Variants in GNPTAB observed in about 807,000 individuals in gnomAD.
GNPTAB encodes N-acetylglucosamine-1-phosphate transferase subunits alpha and beta, also known as N-acetylglucosamine-1-phosphotransferase subunits alpha/beta.
In GNPTAB, 92 loss-of-function variants were observed where a neutral mutation model predicts 136.6. The observed-to-expected ratio is 0.67, with a 90% CI of 0.57 to 0.80. GNPTAB has a LOEUF of 0.80. Among genes scored for constraint, GNPTAB ranks in the 30% least tolerant of loss-of-function variants. GNPTAB has a pLI of 0.00. For synonymous variants in GNPTAB, 512 were observed against 535.1 expected (o/e 0.96, Z 0.60); for missense variants, 1,343 against 1,501.8 (o/e 0.89, Z 1.75).
intron 1 of GNPTAB, among the ~76,000 whole-genome samples, chr12:101,809,430 C>T (rs144409831): frequency 1.4e-3 from 215 of 152,264 alleles, no homozygotes; most frequent in African/African-American, 5.0e-3. Flanking sequence ...TAAGTATTTA[C>T]CTGAGTTGAA....
In GNPTAB at chr12:101,830,778, G is replaced by C; in HGVS notation, c.-103C>G. On this transcript the variant is annotated 5_prime_UTR_variant, in exon 1 of 21. Transcript: ENST00000299314. ...TCAGGGGCCCCGGTCGGGCCGCCGC[G>C]CGCAGGTCACAGCCTCCGGGCGCCG... 1 of 596,042 alleles carries C rather than the reference G, an allele frequency of 1.7e-6. No individual in the cohort carries two copies. 36.9% of individuals were successfully genotyped at this position (596,042 alleles called of 1,614,324 possible).
chr12:101,800,113 C>G (rs1869526935), intron 1 of GNPTAB, among the ~76,000 whole-genome samples: 1 of 152,106 alleles, frequency 6.6e-6, no homozygotes, highest in African/African-American at 2.4e-5. Context: ...TAATGAGAAG[C>G]AGAATGGGAT....
At chr12:101,793,162 C>G (rs911078313) in intron 2 of GNPTAB, among the ~76,000 whole-genome samples, 2 of 152,018 alleles carry the variant, frequency 1.3e-5, no homozygotes, top group African/African-American at 4.8e-5. Flanking sequence ...TATTTATTGC[C>G]TAACTATTAG....
intron 1 of GNPTAB, among the ~76,000 whole-genome samples, chr12:101,808,728 C>T (rs758763757): frequency 6.6e-6 from 1 of 152,174 alleles, no homozygotes; most frequent in Non-Finnish European, 1.5e-5. Flanking sequence ...GAGTGGATCA[C>T]CTGAGGTCGG....
chr12:101,803,876 G>C (rs1869785995), intron 1 of GNPTAB, among the ~76,000 whole-genome samples: 1 of 152,046 alleles, frequency 6.6e-6, no homozygotes, highest in Non-Finnish European at 1.5e-5. Flanking sequence ...AAGGAGTAGA[G>C]AAAAAAGAAA....
At chr12:101,787,983 T>C (rs550320298) in intron 4 of GNPTAB, among the ~76,000 whole-genome samples, 1 of 152,044 alleles carries the variant, frequency 6.6e-6, no homozygotes, top group Non-Finnish European at 1.5e-5. Flanking sequence ...TAAGTGTTTT[T>C]AAAAGTCTGA....
chr12:101,787,662 C>T (rs1868734835), intron 4 of GNPTAB, among the ~76,000 whole-genome samples: 1 of 151,972 alleles, frequency 6.6e-6, no homozygotes, highest in Non-Finnish European at 1.5e-5. Flanking sequence ...CGCCTGTAAT[C>T]CAGTACTTTG....
intron 1 of GNPTAB, among the ~76,000 whole-genome samples, chr12:101,825,920 T>C (rs1366517678): frequency 6.6e-6 from 1 of 152,160 alleles, no homozygotes; most frequent in African/African-American, 2.4e-5. Flanking sequence ...AGGATCACAA[T>C]TTGTGCTGCA....
chr12:101,792,269 T>C (rs1216359498), intron 2 of GNPTAB, among the ~76,000 whole-genome samples: 3 of 152,160 alleles, frequency 2.0e-5, no homozygotes, highest in Non-Finnish European at 4.4e-5. Flanking sequence ...ATCTTGCTTG[T>C]TCAAGGACCC....
chr12:101,818,449 C>T (rs1040988698), intron 1 of GNPTAB, among the ~76,000 whole-genome samples: 1 of 150,210 alleles, frequency 6.7e-6, no homozygotes. Flanking sequence ...ACGATCTCGG[C>T]TCACCACAAC....
Position 101,761,671 on chromosome 12 carries a change from T to C in GNPTAB, c.2808A>G (p.Arg936=). The change falls in exon 14 of 21, where the codon AGA becomes AGG. Residue 936 remains arginine (R), a synonymous_variant. Coordinates refer to ENST00000299314, the MANE Select transcript of GNPTAB (RefSeq NM_024312.5). The part of the protein sequence containing the change: ...QLKDTFADSL[R]YVNKILNSKF... ...TGCTATTTAGAATTTTATTTACATA[T>C]CTGAGGGAATCTGCAAATGTATCTT... is the stretch of plus-strand genomic sequence containing the variant. The C allele has an allele frequency of 1.2e-6, 2 of 1,613,978 alleles. No individual in the cohort carries two copies. Among genetic ancestry groups the C allele is most frequent in the Non-Finnish European group, 8.5e-7 (1 of 1,179,814 alleles).
Position 101,764,766 on chromosome 12 carries a change from T to A in GNPTAB, c.2151A>T (p.Gln717His). ...TCAAAGTGATGTCTCCATGTTCCAG[T>A]TGCAAATCCAAGGTATTGAGACTCA... ...AQLSLNTLDLQLEHGDITLKG... is the reference protein window; with the variant it reads ...AQLSLNTLDLHLEHGDITLKG... The change falls in exon 13 of 21, where the codon CAA becomes CAT. Residue 717 changes from glutamine to histidine, a missense_variant. By Grantham distance (24) the Gln-to-His change is conservative. Transcript: ENST00000299314. The A allele has an allele frequency of 1.2e-6, 2 of 1,614,194 alleles. No homozygotes were observed. Among genetic ancestry groups the A allele is most frequent in the Non-Finnish European group, 1.7e-6 (2 of 1,180,022 alleles).
Position 101,773,647 on chromosome 12 carries a change from C to T in GNPTAB, c.772-2490G>A, listed in dbSNP as rs370727608. On this transcript the variant is annotated intron_variant, in intron 7 of 20. Coordinates refer to ENST00000299314, the MANE Select transcript of GNPTAB (RefSeq NM_024312.5). ...GCAAGAAGAGGTTTGTCTATAGTAA[C>T]TATACAATAATTCGGAAAGAGATGA... 8 of 152,720 alleles carry T rather than the reference C, an allele frequency of 5.2e-5. No individual in the cohort carries two copies. The East Asian group carries it at 1.2e-3, about 22-fold the overall frequency. 9.5% of individuals were successfully genotyped at this position (152,720 alleles called of 1,614,324 possible). A position where few individuals can be genotyped will look rare whatever the true frequency, so the allele number is the denominator to read the frequency against.
intron 5 of GNPTAB, among the ~76,000 whole-genome samples, chr12:101,781,636 A>G (rs1262849592): frequency 6.6e-6 from 1 of 152,164 alleles, no homozygotes; most frequent in African/African-American, 2.4e-5. Context: ...GTGAGCCATG[A>G]TCATGCCACT....
intron 1 of GNPTAB, among the ~76,000 whole-genome samples, chr12:101,803,027 T>C (rs993008644): frequency 1.3e-5 from 2 of 152,022 alleles, no homozygotes; most frequent in African/African-American, 4.8e-5. Flanking sequence ...TCAACTTTAA[T>C]GAATCTCCAG....
At chr12:101,749,350 C>A (rs1002026640) in intron 19 of GNPTAB, among the ~76,000 whole-genome samples, 159 bp from the exon 20 acceptor site, 1 of 152,168 alleles carries the variant, frequency 6.6e-6, no homozygotes. Flanking sequence ...ATTTCCAACA[C>A]GAGTTCAGAT....
chr12:101,752,396 G>GC (rs1200269549), intron 19 of GNPTAB, among the ~76,000 whole-genome samples: 1 of 152,196 alleles, frequency 6.6e-6, no homozygotes, highest in Non-Finnish European at 1.5e-5. Flanking sequence ...CTGCACTCCA[G>GC]CCTGGGTGAC....
intron 7 of GNPTAB, among the ~76,000 whole-genome samples, chr12:101,776,615 G>A (rs961539418): frequency 1.3e-5 from 2 of 152,220 alleles, no homozygotes; most frequent in African/African-American, 2.4e-5. Context: ...AGGCCTAGTT[G>A]TGTATATACA....
At chr12:101,801,228 T>C (rs1373904010) in intron 1 of GNPTAB, among the ~76,000 whole-genome samples, 2 of 61,348 alleles carry the variant, frequency 3.3e-5, no homozygotes, top group Non-Finnish European at 5.0e-5. Context: ...CGAGACCCTG[T>C]CTCAAAAAAA....
Sources: allele counts gnomAD v4.1 joint callset (sites outside exome capture counted in the v4.1 genomes callset), GRCh38; gene constraint gnomAD v4.1.1; transcripts MANE v1.5; gene names NCBI Gene and HGNC (gene_info 2026-07-23, HGNC 2026-07-21).